The following KIF1B variants were observed in gnomAD, a reference collection of about 807,000 sequenced individuals.
KIF1B encodes kinesin family member 1B.
A neutral mutation model predicts 241.9 loss-of-function variants in KIF1B; 76 were observed. That is an observed-to-expected ratio of 0.31 (90% confidence interval 0.26 to 0.38). KIF1B has a LOEUF of 0.38. Ranked by LOEUF, KIF1B falls within the 10% of genes least tolerant of loss-of-function variation. The probability of loss-of-function intolerance (pLI) is 1.00; values close to 1 mark genes in which losing one functional copy is unlikely to be tolerated. For synonymous variants in KIF1B, 750 were observed against 796.7 expected (o/e 0.94, Z 0.99); for missense variants, 1,622 against 2,271.4 (o/e 0.71, Z 5.81).
intron 44 of KIF1B, among the ~76,000 whole-genome samples, chr1:10,368,831 G>A (rs1202969324): frequency 6.6e-6 from 1 of 152,170 alleles, no homozygotes; most frequent in East Asian, 1.9e-4. Flanking sequence ...TGGGGAGGTG[G>A]TATGTTATTC....
At chr1:10,320,819 T>TCA (rs1553167391) in intron 23 of KIF1B, among the ~76,000 whole-genome samples, 2 of 151,454 alleles carry the variant, frequency 1.3e-5, no homozygotes, top group Non-Finnish European at 2.9e-5. Context: ...CTCCGCCTCC[T>TCA]GCCTCCTAAG....
At position 10,323,993 on chromosome 1, in the gene KIF1B, C is replaced by G; in HGVS notation, c.2468C>G (p.Thr823Arg). The G allele has an allele frequency of 1.9e-6, 3 of 1,614,160 alleles. No homozygotes were observed. The highest frequency in any genetic ancestry group is 2.2e-5 in the South Asian group (2 of 91,078). ...CATGAGGACAGGCCTTTCCCTCGCA[C>G]AGTGGTAGCAGTAGAAGTCCAGGAT... is the stretch of plus-strand genomic sequence containing the variant. ...KTHEDRPFPR[T>R]VVAVEVQDLK... Residue 823 changes from threonine to arginine, a missense_variant, in exon 25 of 49, where the codon ACA becomes AGA. This residue lies in a region of KIF1B where 803 missense variants were observed against 1,112.0 expected (regional missense o/e 0.72). Coordinates refer to ENST00000676179, the MANE Select transcript of KIF1B (RefSeq NM_001365951.3).
intron 22 of KIF1B, among the ~76,000 whole-genome samples, chr1:10,315,181 T>TC (rs1367306722): frequency 7.0e-6 from 1 of 143,454 alleles, no homozygotes; most frequent in African/African-American, 2.7e-5. Context: ...CTTTTTTTTT[T>TC]TTTTTTTTTT....
Position 10,321,719 on chromosome 1 carries a change from A to G in KIF1B, c.2220A>G (p.Thr740=), listed in dbSNP as rs1651529941. 6.2e-7 allele frequency: 1 copy of G among 1,614,174 alleles called. No homozygotes were observed. Among genetic ancestry groups the G allele is most frequent in the Non-Finnish European group, 8.5e-7 (1 of 1,179,976 alleles). The change falls in exon 24 of 49, where the codon ACA becomes ACG. Residue 740 remains threonine (T), a synonymous_variant. Coordinates refer to ENST00000676179, the MANE Select transcript of KIF1B (RefSeq NM_001365951.3). Reference sequence around the variant, plus strand: ...CATTCATTCTTTCAGTTCCTTGGACACAGCATGAATTTGAGTTGGCCCAAT... The same window carrying G: ...CATTCATTCTTTCAGTTCCTTGGACGCAGCATGAATTTGAGTTGGCCCAAT... ...EEEEEEEVPW[T]QHEFELAQWA... is the part of the protein sequence containing the mutation.
chr1:10,257,359 AG>A lies in KIF1B; in HGVS notation c.183+1037del, dbSNP rs1461046586. 7.9e-3 allele frequency among the ~76,000 whole-genome samples: 1,187 copies of A among 151,118 alleles called. 20 individuals carry two copies. The highest frequency in any genetic ancestry group is 0.027 in the African/African-American group (1,132 of 41,174). ...CTTGGTGGCGGGTGCCTGTAATCCCAGCTACTTGGGAGGCTGAGGCAGGTGA... is the reference window on the plus strand; with the variant it reads ...CTTGGTGGCGGGTGCCTGTAATCCCACTACTTGGGAGGCTGAGGCAGGTGA... On this transcript the variant is annotated intron_variant, in intron 3 of 48. Coordinates refer to ENST00000676179, the MANE Select transcript of KIF1B (RefSeq NM_001365951.3).
At position 10,254,673 on chromosome 1, in the gene KIF1B, A is replaced by G. The variant is rs377319381; in HGVS notation, c.107-1574A>G. ...GGGTGGATCACAAGGTCAGGAGATCAAGACCATCCTGGCTAACACGGTGAA... is the reference window on the plus strand; with the variant it reads ...GGGTGGATCACAAGGTCAGGAGATCGAGACCATCCTGGCTAACACGGTGAA... On this transcript the variant is annotated intron_variant, in intron 2 of 48. Coordinates refer to ENST00000676179, the MANE Select transcript of KIF1B (RefSeq NM_001365951.3). Among the ~76,000 whole-genome samples the G allele has an allele frequency of 3.3e-4, 50 of 151,892 alleles. No homozygotes were observed. In the South Asian group the frequency reaches 6.7e-3, roughly 20 times the overall value.
chr1:10,214,718 G>A (rs532535559), intron 1 of KIF1B, among the ~76,000 whole-genome samples: 3 of 151,606 alleles, frequency 2.0e-5, no homozygotes, highest in South Asian at 4.2e-4. Flanking sequence ...GAGCAGCTGG[G>A]ACTACAGGTG....
chr1:10,213,141 T>TGA (rs1646719839), intron 1 of KIF1B, among the ~76,000 whole-genome samples: 1 of 151,640 alleles, frequency 6.6e-6, no homozygotes, highest in Non-Finnish European at 1.5e-5. Context: ...GAAGTATTTC[T>TGA]AAGTTTTTAA....
At chr1:10,328,411 A>G (rs1651801362) in intron 27 of KIF1B, among the ~76,000 whole-genome samples, 2 of 152,218 alleles carry the variant, frequency 1.3e-5, no homozygotes, top group Admixed American at 6.5e-5. Flanking sequence ...CAGTTTTTCC[A>G]TGAATAAACA....
At chr1:10,328,191 C>T (rs1050496243) in intron 27 of KIF1B, among the ~76,000 whole-genome samples, 14 of 151,844 alleles carry the variant, frequency 9.2e-5, no homozygotes, top group African/African-American at 3.1e-4. Flanking sequence ...CCCAAGTCTA[C>T]CAAAAAATAT....
intron 2 of KIF1B, among the ~76,000 whole-genome samples, chr1:10,238,259 T>C (rs992298714): frequency 3.7e-4 from 56 of 149,634 alleles, no homozygotes; most frequent in Non-Finnish European, 3.5e-4. Context: ...TGGGCACCTG[T>C]AATCCCAGCT....
intron 1 of KIF1B, among the ~76,000 whole-genome samples, chr1:10,215,941 A>AG (rs1402003764): frequency 6.6e-6 from 1 of 152,178 alleles, no homozygotes; most frequent in Non-Finnish European, 1.5e-5. Context: ...TGACTATGTA[A>AG]ATAAACAATA....
intron 15 of KIF1B, among the ~76,000 whole-genome samples, chr1:10,283,632 TG>T (rs1330078066): frequency 6.6e-6 from 1 of 152,252 alleles, no homozygotes; most frequent in Non-Finnish European, 1.5e-5. Flanking sequence ...CAGATGACTG[TG>T]ACAGCATCAT....
chr1:10,329,089 A>G (rs919378333), intron 27 of KIF1B, among the ~76,000 whole-genome samples: 2 of 152,202 alleles, frequency 1.3e-5, no homozygotes, highest in African/African-American at 4.8e-5. Context: ...ATGTAAGTAT[A>G]GGTATAAAGC....
In KIF1B at chr1:10,378,263, C is replaced by G; in HGVS notation, c.*1676C>G. On this transcript the variant is annotated 3_prime_UTR_variant, in exon 49 of 49. Coordinates refer to ENST00000676179, the MANE Select transcript of KIF1B (RefSeq NM_001365951.3). ...GCTTTGTTGCGTGTTCCCTGCTCCT[C>G]TCCATCTGGTGTGGAAACACTGCCC... The G allele has an allele frequency of 1.4e-6, 1 of 715,486 alleles. No homozygotes were observed. 44.3% of individuals were successfully genotyped at this position (715,486 alleles called of 1,614,324 possible).
rs567929820 is a variant in KIF1B at position 10,347,362 on chromosome 1, T to C, written c.3798-399T>C. On this transcript the variant is annotated intron_variant, in intron 35 of 48. Transcript: ENST00000676179. ...TGACTTTTCATAGACAGACTTATGA[T>C]GTGATTACAAGTTGCATTATGAGGG... is the stretch of plus-strand genomic sequence containing the variant. Among the ~76,000 whole-genome samples the C allele has an allele frequency of 7.9e-5, 12 of 152,362 alleles. No individual in the cohort carries two copies. In the South Asian group the frequency reaches 2.5e-3, roughly 32 times the overall value.
At chr1:10,331,806 C>A (rs962857237) in intron 27 of KIF1B, among the ~76,000 whole-genome samples, 2 of 152,210 alleles carry the variant, frequency 1.3e-5, no homozygotes, top group Admixed American at 6.5e-5. Flanking sequence ...GAACTAGATT[C>A]TATTTCCCTT....
At chr1:10,253,660 G>A (rs1310292860) in intron 2 of KIF1B, among the ~76,000 whole-genome samples, 2 of 152,108 alleles carry the variant, frequency 1.3e-5, no homozygotes, top group Non-Finnish European at 2.9e-5. Context: ...AAAAAGGTTC[G>A]TAGACAGAAA....
intron 22 of KIF1B, chr1:10,304,926 A>C (rs969337815): frequency 4.6e-6 from 6 of 1,293,646 alleles, no homozygotes; most frequent in Admixed American, 6.8e-5. Flanking sequence ...ATACTTACTT[A>C]CACAGACTTG....
Sources: gnomAD v4.1 joint callset for allele counts (sites outside exome capture counted in the v4.1 genomes callset) on GRCh38, gnomAD v4.1.1 for gene constraint, gnomAD v4.1.1 regional missense constraint, MANE v1.5 for transcripts, NCBI Gene and HGNC (gene_info 2026-07-23, HGNC 2026-07-21) for gene names.